NRXN3: variants seen among roughly 807,000 people sequenced by gnomAD.
NRXN3 encodes neurexin 3, also known as neurexin III.
NRXN3 carries 32 observed loss-of-function variants against 137.6 expected under a neutral mutation model. The observed-to-expected ratio is 0.23, with a 90% CI of 0.18 to 0.31. NRXN3 has a LOEUF of 0.31. NRXN3 is among the 10% of genes least tolerant of loss of function. NRXN3 has a pLI of 1.00. For missense variants in NRXN3, 1,574 were observed against 2,062.5 expected (o/e 0.76, Z 4.59); for synonymous variants, 798 against 784.5 (o/e 1.02, Z -0.29).
chr14:79,641,619 G>C lies in NRXN3; in HGVS notation c.3445-22159G>C. The stretch of plus-strand genomic sequence containing the variant: ...TGGCTCCAGGCTGGGATTAGGTTCA[G>C]ATATGCTCCATGCATGTTTTTTTCT... On this transcript the variant is annotated intron_variant, in intron 16 of 20. Transcript: ENST00000335750. Among the ~76,000 whole-genome samples, 2 of 135,518 alleles carry C rather than the reference G, an allele frequency of 1.5e-5. 1 individual carries two copies. Among genetic ancestry groups the C allele is most frequent in the Non-Finnish European group, 3.4e-5 (2 of 58,280 alleles). The allele number at this position is 135,518 out of a possible 152,430, so 88.9% of individuals were successfully genotyped here.
intron 15 of NRXN3, among the ~76,000 whole-genome samples, chr14:79,436,560 T>C (rs1373196797): frequency 6.6e-6 from 1 of 152,070 alleles, no homozygotes; most frequent in Non-Finnish European, 1.5e-5. Flanking sequence ...TTCTCCTCCT[T>C]CCCCCTCCAT....
At chr14:79,785,991 C>A (rs1428037554) in intron 19 of NRXN3, among the ~76,000 whole-genome samples, 1 of 152,014 alleles carries the variant, frequency 6.6e-6, no homozygotes, top group Non-Finnish European at 1.5e-5. Context: ...GCAAGACACA[C>A]CTCTGTCCCC....
At chr14:79,664,474 T>C (rs1269648787) in intron 17 of NRXN3, among the ~76,000 whole-genome samples, 1 of 152,096 alleles carries the variant, frequency 6.6e-6, no homozygotes, top group Admixed American at 6.6e-5. Context: ...ACTTTGCTAG[T>C]TTTTATTTTC....
chr14:79,651,993 C>G (rs924005807), intron 16 of NRXN3, among the ~76,000 whole-genome samples: 2 of 152,112 alleles, frequency 1.3e-5, no homozygotes, highest in Admixed American at 1.3e-4. Flanking sequence ...AGTGAAGACT[C>G]AGGATTCCAC....
At chr14:78,556,916 T>A (rs1202209531) in intron 4 of NRXN3, among the ~76,000 whole-genome samples, 1 of 19,836 alleles carries the variant, frequency 5.0e-5, no homozygotes, top group African/African-American at 2.1e-4. Context: ...CCCCTCCCCC[T>A]TCCCCTCCTC....
At chr14:78,254,874 C>A (rs996914158) in intron 2 of NRXN3, among the ~76,000 whole-genome samples, 1 of 151,586 alleles carries the variant, frequency 6.6e-6, no homozygotes, top group Non-Finnish European at 1.5e-5. Flanking sequence ...AAGATAAGGA[C>A]ATGACATGAA....
chr14:78,412,087 T>C (rs577529940), intron 4 of NRXN3, among the ~76,000 whole-genome samples: 4 of 152,368 alleles, frequency 2.6e-5, no homozygotes, highest in African/African-American at 7.2e-5. Flanking sequence ...GCATGTAAGA[T>C]GTTCAGCACA....
At chr14:78,948,055 T>A (rs912326470) in intron 10 of NRXN3, among the ~76,000 whole-genome samples, 1 of 152,144 alleles carries the variant, frequency 6.6e-6, no homozygotes, top group South Asian at 2.1e-4. Context: ...GCTATGTAGG[T>A]TTTATCTTAG....
intron 15 of NRXN3, among the ~76,000 whole-genome samples, chr14:79,079,701 A>C (rs2046585007): frequency 6.6e-6 from 1 of 152,182 alleles, no homozygotes; most frequent in African/African-American, 2.4e-5. Context: ...TCAAAAAGAA[A>C]AAGTCGGGCA....
chr14:79,755,405 A>G (rs2099015951), intron 19 of NRXN3, among the ~76,000 whole-genome samples: 1 of 152,074 alleles, frequency 6.6e-6, no homozygotes, highest in Admixed American at 6.6e-5. Context: ...TTCTTAGAAC[A>G]TAACCTAGAT....
intron 15 of NRXN3, among the ~76,000 whole-genome samples, chr14:79,208,113 G>C (rs1025555858): frequency 1.3e-5 from 2 of 152,164 alleles, no homozygotes; most frequent in African/African-American, 4.8e-5. Context: ...TACATTTTGA[G>C]TCTATCCCAA....
intron 4 of NRXN3, among the ~76,000 whole-genome samples, chr14:78,349,018 T>C (rs1036047887): frequency 1.3e-5 from 2 of 152,188 alleles, no homozygotes; most frequent in Non-Finnish European, 2.9e-5. Context: ...AAATTAAAAA[T>C]TGTTAGTGAT....
chr14:79,222,640 C>CTGTGGAT (rs2069992803), intron 15 of NRXN3, among the ~76,000 whole-genome samples: 1 of 152,150 alleles, frequency 6.6e-6, no homozygotes, highest in African/African-American at 2.4e-5. Flanking sequence ...TGCATTCCCA[C>CTGTGGAT]AATCTATAGA....
chr14:79,784,044 A>ATAT (rs1568239669), intron 19 of NRXN3, among the ~76,000 whole-genome samples: 1 of 152,198 alleles, frequency 6.6e-6, no homozygotes, highest in Non-Finnish European at 1.5e-5. Flanking sequence ...TCCTTCAAAT[A>ATAT]TATTGTCTTA....
chr14:79,095,170 A>G (rs1036395846), intron 15 of NRXN3, among the ~76,000 whole-genome samples: 1 of 152,086 alleles, frequency 6.6e-6, no homozygotes, highest in Non-Finnish European at 1.5e-5. Flanking sequence ...TGAGACAGCC[A>G]CTTTACTCCT....
chr14:79,401,507 G>A (rs1161691254), intron 15 of NRXN3, among the ~76,000 whole-genome samples: 5 of 152,142 alleles, frequency 3.3e-5, no homozygotes, highest in African/African-American at 1.2e-4. Flanking sequence ...ATTGTCCTAG[G>A]AGAACCACTG....
intron 15 of NRXN3, among the ~76,000 whole-genome samples, chr14:79,015,083 G>A (rs777324482): frequency 7.2e-4 from 109 of 152,042 alleles, no homozygotes; most frequent in Non-Finnish European, 1.3e-3. Flanking sequence ...CCATCTCTTG[G>A]TGACAGATGT....
At chr14:79,716,044 G>T (rs2098822560) in intron 19 of NRXN3, among the ~76,000 whole-genome samples, 2 of 152,202 alleles carry the variant, frequency 1.3e-5, no homozygotes, top group Admixed American at 1.3e-4. Context: ...CATTCCAAGA[G>T]TGAGCCTCCC....
In NRXN3 at chr14:79,865,457, T is replaced by C. The variant is rs890826942; in HGVS notation, c.*3493T>C. 4 of 152,204 alleles carry C rather than the reference T, an allele frequency of 2.6e-5. No individual in the cohort carries two copies. Among genetic ancestry groups the C allele is most frequent in the African/African-American group, 4.8e-5 (2 of 41,446 alleles). 9.4% of individuals were successfully genotyped at this position (152,204 alleles called of 1,614,324 possible). On this transcript the variant is annotated 3_prime_UTR_variant, in exon 21 of 21. Coordinates refer to ENST00000335750, the MANE Select transcript of NRXN3 (RefSeq NM_001330195.2). ...TTTATCCATATGTTGGTTACCAGTTTTCAAAGAGTTAGAATTTTAAAAATA... is the reference window on the plus strand; with the variant it reads ...TTTATCCATATGTTGGTTACCAGTTCTCAAAGAGTTAGAATTTTAAAAATA...
Sources: gnomAD v4.1 joint callset for allele counts (sites outside exome capture counted in the v4.1 genomes callset) on GRCh38, gnomAD v4.1.1 for gene constraint, MANE v1.5 for transcripts, NCBI Gene and HGNC (gene_info 2026-07-23, HGNC 2026-07-21) for gene names.